Variants in ABCC3 observed in about 807,000 individuals in gnomAD.
The protein encoded by ABCC3 is ATP binding cassette subfamily C member 3.
Under a neutral mutation model 165.3 loss-of-function variants are expected in ABCC3, and 121 were observed. The observed-to-expected ratio is 0.73, with a 90% CI of 0.63 to 0.85. The LOEUF is 0.85. ABCC3 is among the 40% of genes least tolerant of loss of function. ABCC3 has a pLI of 0.00. For missense variants in ABCC3, 1,869 were observed against 1,964.1 expected, an observed-to-expected ratio of 0.95 and a Z score of 0.92; for synonymous variants, 733 against 810.1, an observed-to-expected ratio of 0.90 and a Z score of 1.62.
In ABCC3 at chr17:50,668,472, G is replaced by A. The variant is rs1338511013; in HGVS notation, c.1825G>A (p.Glu609Lys). The A allele has an allele frequency of 6.2e-7, 1 of 1,614,006 alleles. No individual in the cohort carries two copies. Among genetic ancestry groups the A allele is most frequent in the African/African-American group, 1.3e-5 (1 of 74,980 alleles). Residue 609 changes from glutamate (E) to lysine (K), a missense_variant, in exon 14 of 31, where the codon GAG becomes AAG. Glu to Lys is a moderately conservative substitution (Grantham distance 56, BLOSUM62 1). Coordinates refer to ENST00000285238, the MANE Select transcript of ABCC3 (RefSeq NM_003786.4). The part of the protein sequence containing the change: ...LKRIQQFLSQ[E>K]ELDPQSVERK... ...ACGGATCCAGCAATTCCTGAGCCAA[G>A]AGGAACTTGACCCCCAGAGTGTGGA...
chr17:50,658,553 T>C, intron 6 of ABCC3, 57 bp downstream of exon 6: 2 of 1,562,518 alleles, frequency 1.3e-6, no homozygotes, highest in South Asian at 1.1e-5. Context: ...GAAGGTGAGA[T>C]GGAGAAAGGG....
At position 50,663,664 on chromosome 17, in the gene ABCC3, C is replaced by A. The variant is rs376822237; in HGVS notation, c.999-17C>A. The A allele has an allele frequency of 6.2e-7, 1 of 1,613,692 alleles. No individual in the cohort carries two copies. Among genetic ancestry groups the A allele is most frequent in the East Asian group, 2.2e-5 (1 of 44,876 alleles). ...GGGGGCAGCACTGCCCACCTCACTC[C>A]TCTCTCCTCCCCACAGCATCCTGAT... is the stretch of plus-strand genomic sequence containing the variant. On this transcript the variant is annotated splice_polypyrimidine_tract_variant and intron_variant, in intron 8 of 30. Transcript: ENST00000285238.
At chr17:50,684,225 G>A (rs1236881681) in intron 28 of ABCC3, 118 bp downstream of exon 28, 61 of 1,347,612 alleles carry the variant, frequency 4.5e-5, no homozygotes, top group Non-Finnish European at 6.0e-5. Flanking sequence ...GGGCAGGTGG[G>A]GAGGGACAGA....
Position 50,656,023 on chromosome 17 carries a change from G to A in ABCC3, c.222+15G>A. 1 of 1,610,346 alleles carries A rather than the reference G, an allele frequency of 6.2e-7. No homozygotes were observed. The highest frequency in any genetic ancestry group is 8.5e-7 in the Non-Finnish European group (1 of 1,177,530). On this transcript the variant is annotated intron_variant, in intron 2 of 30. Coordinates refer to ENST00000285238, the MANE Select transcript of ABCC3 (RefSeq NM_003786.4). ...AGCTCAAGATGGTCAGTGGCTCAGG[G>A]ATCTCCTACCGATGGGGCTGGGCCC...
At chr17:50,668,971 C>T in intron 15 of ABCC3, 52 bp downstream of exon 15, 1 of 1,602,620 alleles carries the variant, frequency 6.2e-7, no homozygotes. Flanking sequence ...GCTGGAAGTT[C>T]AGATCAATAG....
intron 29 of ABCC3, among the ~76,000 whole-genome samples, chr17:50,685,826 TCTC>T (rs1167500284): frequency 6.6e-6 from 1 of 151,984 alleles, no homozygotes; most frequent in Non-Finnish European, 1.5e-5. Context: ...CCCTCCATCT[TCTC>T]CTCCTCCTCC....
At chr17:50,669,575 C>A in intron 17 of ABCC3, 47 bp downstream of exon 17, 1 of 1,588,682 alleles carries the variant, frequency 6.3e-7, no homozygotes, top group Non-Finnish European at 8.6e-7. Flanking sequence ...ATAGAGCTGC[C>A]CACCTCAACC....
At chr17:50,655,721 C>T in intron 1 of ABCC3, 111 bp from the exon 2 acceptor site, 2 of 969,076 alleles carry the variant, frequency 2.1e-6, no homozygotes, top group Admixed American at 4.7e-5. Context: ...ACCTGTCTTC[C>T]ACTCCACCCC....
rs763535989 is a variant in ABCC3 at position 50,657,190 on chromosome 17, T to G, written c.486+7T>G. 13 of 1,612,932 alleles carry G rather than the reference T, an allele frequency of 8.1e-6. No homozygotes were observed. The Admixed American group carries it at 1.3e-4, about 17-fold the overall frequency. On this transcript the variant is annotated splice_region_variant and intron_variant, in intron 4 of 30. Transcript: ENST00000285238. ...CCTTTTAGCCAAGGCAGAGGTAAGG[T>G]TGGGGGAGAGGGGAACCTGCCAGGT... is the stretch of plus-strand genomic sequence containing the variant.
At chr17:50,647,241 C>CA (rs1291352679) in intron 1 of ABCC3, among the ~76,000 whole-genome samples, 1 of 152,200 alleles carries the variant, frequency 6.6e-6, no homozygotes, top group Non-Finnish European at 1.5e-5. Context: ...TGCCAAGTCT[C>CA]AAACACCTCT....
intron 29 of ABCC3, among the ~76,000 whole-genome samples, 169 bp downstream of exon 29, chr17:50,685,044 CGCCG>C (rs1967999646): frequency 6.6e-6 from 1 of 152,170 alleles, no homozygotes; most frequent in African/African-American, 2.4e-5. Flanking sequence ...TGTACTGCCC[CGCCG>C]ACTCCTCACA....
rs1192606696 is a variant in ABCC3, at chr17:50,664,058, C to T, written c.1285C>T (p.Leu429=). The T allele has an allele frequency of 3.1e-6, 5 of 1,614,124 alleles. No individual in the cohort carries two copies. Among genetic ancestry groups the T allele is most frequent in the Non-Finnish European group, 4.2e-6 (5 of 1,180,054 alleles). The part of the protein sequence containing the change: ...RFMDLAPFLN[L]LWSAPLQIIL... ...CATGGACCTTGCCCCCTTCCTCAAT[C>T]TGCTGTGGTCAGCACCCCTGCAGAT... Residue 429 remains leucine, a synonymous_variant, in exon 10 of 31, where the codon CTG becomes TTG. Transcript: ENST00000285238.
chr17:50,674,214 G>T (rs1305460912), intron 19 of ABCC3: 1 of 151,258 alleles, frequency 6.6e-6, no homozygotes, highest in African/African-American at 2.4e-5. Context: ...CTACAGGCAT[G>T]CGCCACCACG....
rs1467917472 is a variant in ABCC3, at chr17:50,659,186, C to T, written c.675-51C>T. 2.5e-6 allele frequency: 4 copies of T among 1,600,930 alleles called. No individual in the cohort carries two copies. In the East Asian group the frequency reaches 9.0e-5, roughly 36 times the overall value. Reference sequence around the variant, plus strand: ...GACACTGACCCTTGGCTCCAGGCTGCTAAACCCTGACCCTCTGCGGGGCTG... The same window carrying T: ...GACACTGACCCTTGGCTCCAGGCTGTTAAACCCTGACCCTCTGCGGGGCTG... On this transcript the variant is annotated intron_variant, in intron 6 of 30. Coordinates refer to ENST00000285238, the MANE Select transcript of ABCC3 (RefSeq NM_003786.4).
intron 11 of ABCC3, among the ~76,000 whole-genome samples, chr17:50,666,645 G>A (rs1056734598): frequency 1.3e-5 from 2 of 152,278 alleles, no homozygotes; most frequent in South Asian, 4.1e-4. Flanking sequence ...CTTATTGTAT[G>A]CCTCCCCCAT....
chr17:50,683,635 G>T lies in ABCC3; in HGVS notation c.3833G>T (p.Arg1278Leu), dbSNP rs759534433. The T allele has an allele frequency of 6.3e-7, 1 of 1,586,196 alleles. No individual in the cohort carries two copies. The highest frequency in any genetic ancestry group is 1.8e-5 in the Admixed American group (1 of 54,938). Residue 1278 changes from arginine (R) to leucine (L), a missense_variant, in exon 27 of 31, where the codon CGC (arginine) becomes CTC (leucine). Arg to Leu is a moderately radical substitution (Grantham distance 102, BLOSUM62 -2). Transcript: ENST00000285238. ...TEAPWVVEGS[R>L]PPEGWPPRGE... Reference sequence around the variant, plus strand: ...GCGCCCTGGGTGGTGGAAGGCAGCCGCCCTCCCGAAGGTTGGCCCCCACGT... The same window carrying T: ...GCGCCCTGGGTGGTGGAAGGCAGCCTCCCTCCCGAAGGTTGGCCCCCACGT...
intron 17 of ABCC3, among the ~76,000 whole-genome samples, chr17:50,671,808 G>A (rs1452781297): frequency 2.3e-5 from 3 of 132,976 alleles, no homozygotes; most frequent in Non-Finnish European, 3.1e-5. Context: ...TGCAACCTCC[G>A]CCTCCCAGGT....
At chr17:50,658,714 C>T (rs1967313247) in intron 6 of ABCC3, among the ~76,000 whole-genome samples, 1 of 152,252 alleles carries the variant, frequency 6.6e-6, no homozygotes, top group Admixed American at 6.5e-5. Context: ...GGCTACAGGC[C>T]AGCCCTGCAT....
Position 50,673,419 on chromosome 17 carries a change from G to C in ABCC3, c.2410-50G>C, listed in dbSNP as rs760065075. On this transcript the variant is annotated intron_variant, in intron 18 of 30. Transcript: ENST00000285238. ...ACTCTGTGGCTCCGTGCCTGTGCCAGGGGTGTGCTGGAGGGTGGTAGGGGT... is the reference window on the plus strand; with the variant it reads ...ACTCTGTGGCTCCGTGCCTGTGCCACGGGTGTGCTGGAGGGTGGTAGGGGT... The C allele has an allele frequency of 2.5e-6, 4 of 1,592,194 alleles. No individual in the cohort carries two copies. In the South Asian group the frequency reaches 4.5e-5, roughly 18 times the overall value.
Sources: allele counts gnomAD v4.1 joint callset (sites outside exome capture counted in the v4.1 genomes callset), GRCh38; gene constraint gnomAD v4.1.1; transcripts MANE v1.5; gene names NCBI Gene and HGNC (gene_info 2026-07-23, HGNC 2026-07-21).